CHL1: variants seen among roughly 807,000 people sequenced by gnomAD.
CHL1 encodes the protein neural cell adhesion molecule L1-like protein.
A neutral mutation model predicts 141.9 loss-of-function variants in CHL1; 96 were observed. The observed-to-expected ratio is 0.68, with a 90% CI of 0.57 to 0.80. The LOEUF (loss-of-function observed/expected upper bound fraction) is 0.80, where lower values mean the gene tolerates loss of function less well. Among genes scored for constraint, CHL1 ranks in the 30% least tolerant of loss-of-function variants. The probability of loss-of-function intolerance (pLI) is 0.00; values close to 1 mark genes in which losing one functional copy is unlikely to be tolerated. For missense variants in CHL1, 1,820 were observed against 1,457.2 expected, an observed-to-expected ratio of 1.25 and a Z score of -4.05; for synonymous variants, 613 against 502.2, an observed-to-expected ratio of 1.22 and a Z score of -2.95.
At chr3:302,316 G>A (rs1698826540) in intron 2 of CHL1, among the ~76,000 whole-genome samples, 1 of 152,176 alleles carries the variant, frequency 6.6e-6, no homozygotes, top group Non-Finnish European at 1.5e-5. Context: ...TTAAGGAATT[G>A]CCACACTGTC....
chr3:263,747 C>T (rs1335504760), intron 2 of CHL1, among the ~76,000 whole-genome samples: 3 of 152,136 alleles, frequency 2.0e-5, no homozygotes, highest in African/African-American at 4.8e-5. Context: ...TTTTATAGCT[C>T]TTCGAACTCA....
intron 2 of CHL1, among the ~76,000 whole-genome samples, chr3:253,580 GTAATCCAA>G: frequency 6.6e-6 from 1 of 152,260 alleles, no homozygotes; most frequent in Admixed American, 6.5e-5. Context: ...ACCCACTAAT[GTAATCCAA>G]TAATACAACA....
chr3:390,220 G>T (rs1204917940), intron 20 of CHL1, among the ~76,000 whole-genome samples: 2 of 152,132 alleles, frequency 1.3e-5, no homozygotes, highest in Non-Finnish European at 2.9e-5. Context: ...TCTGTATTTG[G>T]CTTATTACTC....
chr3:366,269 G>C (rs949742880), intron 15 of CHL1, among the ~76,000 whole-genome samples, 154 bp downstream of exon 15: 1 of 152,016 alleles, frequency 6.6e-6, no homozygotes, highest in South Asian at 2.1e-4. Flanking sequence ...TCAGGAGTTC[G>C]AGACTAGCCT....
intron 1 of CHL1, among the ~76,000 whole-genome samples, chr3:233,657 C>A (rs983912636): frequency 6.6e-6 from 1 of 151,982 alleles, no homozygotes; most frequent in Non-Finnish European, 1.5e-5. Context: ...TTCATAAGAG[C>A]AAAATTAAGC....
chr3:261,911 CT>C (rs1694763636), intron 2 of CHL1, among the ~76,000 whole-genome samples: 2 of 132,220 alleles, frequency 1.5e-5, no homozygotes, highest in Admixed American at 7.8e-5. Flanking sequence ...TTTTTAGCAG[CT>C]TGAGTATATT....
At position 382,670 on chromosome 3, in the gene CHL1, A is replaced by C. The variant is rs1034994850; in HGVS notation, c.2175A>C (p.Ala725=). The C allele has an allele frequency of 6.2e-7, 1 of 1,613,062 alleles. No individual in the cohort carries two copies. Among genetic ancestry groups the C allele is most frequent in the South Asian group, 1.1e-5 (1 of 91,056 alleles). The change falls in exon 18 of 28, where the codon GCA becomes GCC. Residue 725 remains alanine (A), a splice_region_variant and synonymous_variant. Transcript: ENST00000256509. The part of the protein sequence containing the change: ...QPSDHHETPP[A]APDRNPQNIR... The stretch of plus-strand genomic sequence containing the variant: ...CAGACCATCATGAAACACCACCAGC[A>C]GGTATGCAGGTTCTCACATCAGGTT...
intron 1 of CHL1, 82 bp downstream of exon 1, chr3:197,145 C>T (rs1006626425): frequency 5.2e-5 from 8 of 152,448 alleles, no homozygotes; most frequent in African/African-American, 1.9e-4. Flanking sequence ...TGAAGGTGCT[C>T]CGGGAGGGGT....
At chr3:322,653 T>TATATATATTTTATATATATATATAAA (rs1553564821) in intron 3 of CHL1, among the ~76,000 whole-genome samples, 191 of 104,490 alleles carry the variant, frequency 1.8e-3, no homozygotes, top group African/African-American at 7.6e-3. Flanking sequence ...AAAATATATA[T>TATATATATTTTATATATATATATAAA]ATATATATAT....
chr3:231,720 G>A (rs1377051499), intron 1 of CHL1, among the ~76,000 whole-genome samples: 2 of 151,778 alleles, frequency 1.3e-5, no homozygotes, highest in Non-Finnish European at 2.9e-5. Context: ...GGGATTACAG[G>A]TGCCTGCCAC....
intron 5 of CHL1, among the ~76,000 whole-genome samples, chr3:335,073 A>G (rs1242649185): frequency 6.6e-6 from 1 of 152,236 alleles, no homozygotes; most frequent in Non-Finnish European, 1.5e-5. Flanking sequence ...CTAGGTTTCT[A>G]CATTTGTGTT....
rs746866527 is a variant in CHL1, at chr3:391,520, AAAAT to A, written c.2792-143_2792-140del. Among the ~76,000 whole-genome samples, 13 of 152,342 alleles carry A rather than the reference AAAAT, an allele frequency of 8.5e-5. No individual in the cohort carries two copies. The East Asian group carries it at 2.1e-3, about 25-fold the overall frequency. ...GGGCCACGTGAGACTCTGTCTCAAAAAAATAAATAAATAAACATTATTCCTTATT... is the reference window on the plus strand; with the variant it reads ...GGGCCACGTGAGACTCTGTCTCAAAAAAATAAATAAACATTATTCCTTATT... On this transcript the variant is annotated intron_variant, in intron 22 of 27. Coordinates refer to ENST00000256509, the MANE Select transcript of CHL1 (RefSeq NM_006614.4).
chr3:377,624 A>C (rs76659358), intron 15 of CHL1, among the ~76,000 whole-genome samples, 194 bp from the exon 16 acceptor site: 1,909 of 152,344 alleles, frequency 0.013, 11 homozygotes, highest in Non-Finnish European at 0.02. Flanking sequence ...GGCTATGTAG[A>C]CAGTTGTGTA....
intron 1 of CHL1, among the ~76,000 whole-genome samples, chr3:202,653 G>A (rs576956618): frequency 5.9e-5 from 9 of 152,236 alleles, no homozygotes; most frequent in East Asian, 1.9e-4. Flanking sequence ...TGCGTACGCC[G>A]TCCACAAGAT....
chr3:276,609 G>T (rs1389443231), intron 2 of CHL1, among the ~76,000 whole-genome samples: 10 of 151,656 alleles, frequency 6.6e-5, no homozygotes, highest in Non-Finnish European at 1.0e-4. Flanking sequence ...GGGCTCTGGG[G>T]CTGGGCACGG....
At chr3:342,200 A>C (rs774237703) in intron 7 of CHL1, 118 bp downstream of exon 7, 30 of 751,850 alleles carry the variant, frequency 4.0e-5, no homozygotes, top group Admixed American at 1.2e-4. Context: ...GTGCAGTTCA[A>C]CTCTGGAGAC....
chr3:214,498 G>C (rs542264411), intron 1 of CHL1, among the ~76,000 whole-genome samples: 1 of 152,036 alleles, frequency 6.6e-6, no homozygotes. Flanking sequence ...TACGTGCTAC[G>C]TTATCAATAT....
chr3:347,918 G>A (rs1702902588), intron 9 of CHL1, among the ~76,000 whole-genome samples: 1 of 152,084 alleles, frequency 6.6e-6, no homozygotes, highest in African/African-American at 2.4e-5. Context: ...GAAGGAAGAA[G>A]GAAAAGAGTA....
intron 2 of CHL1, among the ~76,000 whole-genome samples, chr3:246,145 T>G (rs1352971197): frequency 6.6e-6 from 1 of 152,116 alleles, no homozygotes; most frequent in Non-Finnish European, 1.5e-5. Context: ...ATAAGAAACA[T>G]AGGTAAATCT....
Sources: gnomAD v4.1 joint callset for allele counts (sites outside exome capture counted in the v4.1 genomes callset) on GRCh38, gnomAD v4.1.1 for gene constraint, MANE v1.5 for transcripts, NCBI Gene and HGNC (gene_info 2026-07-23, HGNC 2026-07-21) for gene names.